Variants in RBM20 observed in about 807,000 individuals in gnomAD.
RBM20 encodes the protein RNA-binding protein 20.
A neutral mutation model predicts 110.1 loss-of-function variants in RBM20; 51 were observed. That is an observed-to-expected ratio of 0.46 (90% CI 0.37 to 0.59). RBM20 has a LOEUF of 0.59. RBM20 is among the 20% of genes least tolerant of loss of function. RBM20 has a pLI of 0.00. For missense variants in RBM20, 1,512 were observed against 1,574.9 expected, an observed-to-expected ratio of 0.96 and a Z score of 0.68; for synonymous variants, 589 against 618.2, an observed-to-expected ratio of 0.95 and a Z score of 0.70.
intron 1 of RBM20, among the ~76,000 whole-genome samples, chr10:110,730,778 G>A (rs7072857): frequency 0.21 from 31,267 of 152,142 alleles, 4,020 homozygotes; most frequent in African/African-American, 0.37. Flanking sequence ...CTTCCTTTGT[G>A]TTTCCCAATT....
chr10:110,812,940 A>C lies in RBM20; in HGVS notation c.2543A>C (p.Glu848Ala). Reference protein sequence around the residue: ...ADDRKENTMAENEAGKEEQEG... With the variant: ...ADDRKENTMAANEAGKEEQEG... Reference sequence around the variant, plus strand: ...GATAGAAAAGAAAACACAATGGCAGAGAATGAGGTAATGATCAATTTCTTC... The same window carrying C: ...GATAGAAAAGAAAACACAATGGCAGCGAATGAGGTAATGATCAATTTCTTC... The change falls in exon 9 of 14, where the codon GAG (glutamate) becomes GCG (alanine). Residue 848 changes from glutamate (E) to alanine (A), a missense_variant. Coordinates refer to ENST00000369519, the MANE Select transcript of RBM20 (RefSeq NM_001134363.3). 6.9e-7 allele frequency: 1 copy of C among 1,450,234 alleles called. No homozygotes were observed. The highest frequency in any genetic ancestry group is 9.1e-7 in the Non-Finnish European group (1 of 1,099,490). 89.8% of individuals were successfully genotyped at this position (1,450,234 alleles called of 1,614,324 possible). A position where few individuals can be genotyped will look rare whatever the true frequency, so the allele number is the denominator to read the frequency against.
In RBM20 at chr10:110,656,228, G is replaced by T. The variant is rs181947172; in HGVS notation, c.191+11583G>T. On this transcript the variant is annotated intron_variant, in intron 1 of 13. Transcript: ENST00000369519. The stretch of plus-strand genomic sequence containing the variant: ...GAGGCAGGAGAATCGTTTGAACTCG[G>T]GAGGCAGAGGTTACAACAGTGAGCT... Among the ~76,000 whole-genome samples, 390 of 152,200 alleles carry T rather than the reference G, an allele frequency of 2.6e-3. 4 individuals carry two copies. Among genetic ancestry groups the T allele is most frequent in the Admixed American group, 5.6e-3 (85 of 15,288 alleles).
intron 7 of RBM20, among the ~76,000 whole-genome samples, chr10:110,800,651 C>T (rs1386442804): frequency 1.3e-5 from 2 of 152,230 alleles, no homozygotes; most frequent in Non-Finnish European, 2.9e-5. Context: ...TCCTCCTGTT[C>T]AACCCCTCCC....
At chr10:110,764,584 G>C (rs1176894388) in intron 1 of RBM20, among the ~76,000 whole-genome samples, 1 of 152,250 alleles carries the variant, frequency 6.6e-6, no homozygotes, top group African/African-American at 2.4e-5. Context: ...CGGGTATGCC[G>C]TGCTCAGGCA....
At position 110,812,391 on chromosome 10, in the gene RBM20, C is replaced by T. The variant is rs750494502; in HGVS notation, c.1994C>T (p.Ser665Phe). 6 of 1,551,608 alleles carry T rather than the reference C, an allele frequency of 3.9e-6. No homozygotes were observed. The highest frequency in any genetic ancestry group is 1.4e-5 in the African/African-American group (1 of 73,070). ...TCTTCCCACAGCCCTCCGGGCCCCT[C>T]CCGGGCTGACTGGGGCAATGGCCGG... ...CSSSHSPPGP[S>F]RADWGNGRDS... The change falls in exon 9 of 14, where the codon TCC (serine) becomes TTC (phenylalanine). Residue 665 changes from serine to phenylalanine, a missense_variant. Physicochemically the swap from Ser to Phe is radical, Grantham distance 155 (BLOSUM62 -2). This residue lies in a region of RBM20 where 1,149 missense variants were observed against 1,169.4 expected (regional missense o/e 0.98). Coordinates refer to ENST00000369519, the MANE Select transcript of RBM20 (RefSeq NM_001134363.3).
At chr10:110,711,408 C>T (rs1378272175) in intron 1 of RBM20, among the ~76,000 whole-genome samples, 2 of 151,052 alleles carry the variant, frequency 1.3e-5, no homozygotes, top group African/African-American at 4.9e-5. Flanking sequence ...CCACCTTTAC[C>T]CCAAGCTACC....
intron 7 of RBM20, among the ~76,000 whole-genome samples, chr10:110,809,924 T>C (rs1844743291): frequency 6.6e-6 from 1 of 152,224 alleles, no homozygotes; most frequent in African/African-American, 2.4e-5. Context: ...GCAGAGACCC[T>C]GCCTCAACCT....
chr10:110,709,056 TCTC>T (rs10578425), intron 1 of RBM20, among the ~76,000 whole-genome samples: 13,443 of 152,226 alleles, frequency 0.088, 834 homozygotes, highest in Non-Finnish European at 0.13. Context: ...TTTTAAATGT[TCTC>T]CTCACCTCAT....
At chr10:110,761,055 C>G (rs1348494610) in intron 1 of RBM20, 1 of 146,004 alleles carries the variant, frequency 6.8e-6, no homozygotes, top group Non-Finnish European at 1.5e-5. Flanking sequence ...CAAGATGATG[C>G]CACTGCACTC....
At chr10:110,822,861 C>T (rs371444585) in intron 11 of RBM20, among the ~76,000 whole-genome samples, 4 of 152,108 alleles carry the variant, frequency 2.6e-5, no homozygotes, top group South Asian at 2.1e-4. Context: ...GAAACCCCGC[C>T]GTGAAATGCC....
intron 1 of RBM20, among the ~76,000 whole-genome samples, chr10:110,728,411 AG>A (rs373460873): frequency 1.7e-4 from 26 of 152,210 alleles, no homozygotes; most frequent in African/African-American, 5.5e-4. Context: ...AGTCCAGGAA[AG>A]GGAAAAAGCC....
At chr10:110,683,612 G>T (rs1205838450) in intron 1 of RBM20, among the ~76,000 whole-genome samples, 1 of 152,178 alleles carries the variant, frequency 6.6e-6, no homozygotes, top group Non-Finnish European at 1.5e-5. Context: ...ATTGAGTTTT[G>T]TAACTTTTAC....
At chr10:110,827,104 A>G (rs1844991397) in intron 12 of RBM20, among the ~76,000 whole-genome samples, 1 of 152,182 alleles carries the variant, frequency 6.6e-6, no homozygotes, top group Non-Finnish European at 1.5e-5. Flanking sequence ...TGCATTTGAC[A>G]GGTGAGGAAA....
At chr10:110,728,736 G>A (rs1205000628) in intron 1 of RBM20, among the ~76,000 whole-genome samples, 1 of 152,176 alleles carries the variant, frequency 6.6e-6, no homozygotes, top group Non-Finnish European at 1.5e-5. Context: ...GGAGGTGGGT[G>A]GGCAGGTGTC....
chr10:110,739,973 C>T lies in RBM20; in HGVS notation c.192-40828C>T, dbSNP rs143590656. 1.3e-5 allele frequency among the ~76,000 whole-genome samples: 2 copies of T among 152,384 alleles called. No individual in the cohort carries two copies. The highest frequency in any genetic ancestry group is 2.4e-5 in the African/African-American group (1 of 41,594). ...ATACTGTCTCCCTCTCCCTCCTTCT[C>T]CAAGTGCCCAGACCTGCTCCAGCTG... On this transcript the variant is annotated intron_variant, in intron 1 of 13. Transcript: ENST00000369519. The surrounding 1 kb of genome is among the most constrained non-coding windows in gnomAD (Gnocchi z 4.1).
intron 1 of RBM20, among the ~76,000 whole-genome samples, chr10:110,761,562 A>G (rs1050050827): frequency 6.6e-6 from 1 of 152,262 alleles, no homozygotes; most frequent in African/African-American, 2.4e-5. Context: ...TGGGTGATGC[A>G]GCCAGCCGTA....
chr10:110,792,074 A>T lies in RBM20; in HGVS notation c.1528-5434A>T, dbSNP rs193181855. Among the ~76,000 whole-genome samples, 7 of 152,316 alleles carry T rather than the reference A, an allele frequency of 4.6e-5. No homozygotes were observed. The East Asian group carries it at 1.3e-3, about 29-fold the overall frequency. ...GAACTCCCATATAACTTTTGTCCAG[A>T]TTAATTTCACTACTCCTTTATATTT... On this transcript the variant is annotated intron_variant, in intron 5 of 13. Coordinates refer to ENST00000369519, the MANE Select transcript of RBM20 (RefSeq NM_001134363.3).
chr10:110,699,361 T>C (rs2134890457), intron 1 of RBM20, among the ~76,000 whole-genome samples: 1 of 150,286 alleles, frequency 6.7e-6, no homozygotes, highest in Middle Eastern at 3.4e-3. Flanking sequence ...GTTTGCCTCC[T>C]CCTGGGTTCA....
At chr10:110,801,036 A>G (rs759623357) in intron 7 of RBM20, among the ~76,000 whole-genome samples, 4 of 152,224 alleles carry the variant, frequency 2.6e-5, no homozygotes, top group Non-Finnish European at 4.4e-5. Context: ...TAAGATTGAG[A>G]TAGCTGCATC....
Sources: allele counts gnomAD v4.1 joint callset (sites outside exome capture counted in the v4.1 genomes callset), GRCh38; gene constraint gnomAD v4.1.1; regional missense constraint gnomAD v4.1.1; non-coding constraint Gnocchi (gnomAD v3.1); transcripts MANE v1.5; gene names NCBI Gene and HGNC (gene_info 2026-07-23, HGNC 2026-07-21).